The following STAG1 variants were observed in gnomAD, a reference collection of about 807,000 sequenced individuals.
STAG1 encodes cohesin subunit SA-1.
In STAG1, 26 loss-of-function variants were observed where a neutral mutation model predicts 170.9. That is an observed-to-expected ratio of 0.15 (90% confidence interval 0.11 to 0.21). The LOEUF (loss-of-function observed/expected upper bound fraction) is 0.21, where lower values mean the gene tolerates loss of function less well. STAG1 is among the 10% of genes least tolerant of loss of function. The pLI, the probability that STAG1 is intolerant of heterozygous loss-of-function variation, is 1.00. For missense variants in STAG1, 964 were observed against 1,509.5 expected, an observed-to-expected ratio of 0.64 and a Z score of 5.99; for synonymous variants, 514 against 497.7, an observed-to-expected ratio of 1.03 and a Z score of -0.44.
chr3:136,744,146 A>T (rs1016632079), intron 1 of STAG1, among the ~76,000 whole-genome samples: 5 of 152,118 alleles, frequency 3.3e-5, no homozygotes, highest in African/African-American at 1.2e-4. Flanking sequence ...TGACCAACAT[A>T]GAGAAACCCC....
At chr3:136,681,853 T>C (rs905802842) in intron 1 of STAG1, among the ~76,000 whole-genome samples, 2 of 152,076 alleles carry the variant, frequency 1.3e-5, no homozygotes, top group Admixed American at 1.3e-4. Context: ...ATCAGCAAAT[T>C]AGTAATAAAG....
chr3:136,618,065 G>C (rs1242874919), intron 3 of STAG1, among the ~76,000 whole-genome samples: 1 of 152,100 alleles, frequency 6.6e-6, no homozygotes, highest in Non-Finnish European at 1.5e-5. Context: ...TCTTTTCAAA[G>C]AAAAGTATGT....
chr3:136,662,717 T>C (rs531397614), intron 1 of STAG1, among the ~76,000 whole-genome samples: 1 of 152,224 alleles, frequency 6.6e-6, no homozygotes, highest in East Asian at 1.9e-4. Context: ...AGTACTAGGA[T>C]TACAGGCAAA....
intron 5 of STAG1, among the ~76,000 whole-genome samples, chr3:136,556,923 C>T (rs1317763724): frequency 6.6e-6 from 1 of 152,016 alleles, no homozygotes; most frequent in Non-Finnish European, 1.5e-5. Context: ...ATACAAAAGC[C>T]AGTAAGTTTC....
At chr3:136,473,746 T>C (rs2089679195) in intron 10 of STAG1, 109 bp from the exon 11 acceptor site, 1 of 749,492 alleles carries the variant, frequency 1.3e-6, no homozygotes, top group South Asian at 1.5e-5. Context: ...TACTGCATAT[T>C]GTAATTCAAC....
Position 136,338,568 on chromosome 3 carries a change from T to C in STAG1, c.3673-118A>G, listed in dbSNP as rs537926550. 20 of 701,114 alleles carry C rather than the reference T, an allele frequency of 2.9e-5. No homozygotes were observed. In the African/African-American group the frequency reaches 3.1e-4, roughly 11 times the overall value. The allele number at this position is 701,114 out of a possible 1,614,324, so 43.4% of individuals were successfully genotyped here. A position where few individuals can be genotyped will look rare whatever the true frequency, so the allele number is the denominator to read the frequency against. On this transcript the variant is annotated intron_variant, in intron 32 of 33. Transcript: ENST00000383202. ...TATATGGAACTGCTAAGAGTCAATT[T>C]TGAAAGGAAGAAGAGAATCTGGCTT...
chr3:136,428,285 C>T (rs2088192830), intron 16 of STAG1, among the ~76,000 whole-genome samples: 1 of 152,056 alleles, frequency 6.6e-6, no homozygotes, highest in African/African-American at 2.4e-5. Context: ...TCTTTTTTTG[C>T]CAGTAATGTC....
At chr3:136,433,361 T>C (rs1317286168) in intron 16 of STAG1, among the ~76,000 whole-genome samples, 195 bp downstream of exon 16, 2 of 152,066 alleles carry the variant, frequency 1.3e-5, no homozygotes, top group African/African-American at 2.4e-5. Context: ...ACAGGTGCTA[T>C]GGGAGCATGA....
chr3:136,632,736 G>C (rs1317940852), intron 1 of STAG1, among the ~76,000 whole-genome samples: 1 of 152,156 alleles, frequency 6.6e-6, no homozygotes, highest in African/African-American at 2.4e-5. Flanking sequence ...AGCATGGTCA[G>C]AGGAGGCCTG....
chr3:136,728,550 G>T (rs554600398), intron 1 of STAG1, among the ~76,000 whole-genome samples: 2 of 152,280 alleles, frequency 1.3e-5, no homozygotes, highest in African/African-American at 4.8e-5. Context: ...TGGGGCTATT[G>T]TAGGGATTAC....
chr3:136,431,876 G>T (rs556981562), intron 16 of STAG1, among the ~76,000 whole-genome samples: 1 of 152,208 alleles, frequency 6.6e-6, no homozygotes, highest in African/African-American at 2.4e-5. Flanking sequence ...TGACTATGTT[G>T]TGTCTATATG....
chr3:136,666,304 G>A (rs1167054311), intron 1 of STAG1, among the ~76,000 whole-genome samples: 1 of 151,906 alleles, frequency 6.6e-6, no homozygotes, highest in Non-Finnish European at 1.5e-5. Context: ...CTCGATTTTG[G>A]TCTTATAAGA....
intron 2 of STAG1, among the ~76,000 whole-genome samples, chr3:136,627,882 CTA>C (rs1301066501): frequency 6.6e-6 from 1 of 152,182 alleles, no homozygotes; most frequent in African/African-American, 2.4e-5. Context: ...CATCTTTTCC[CTA>C]GATACTGCAA....
chr3:136,564,415 A>C (rs1936974903), intron 5 of STAG1, among the ~76,000 whole-genome samples: 1 of 152,242 alleles, frequency 6.6e-6, no homozygotes, highest in Non-Finnish European at 1.5e-5. Context: ...TTATGATTTT[A>C]AACTTGTGCC....
rs1342088665 is a variant in STAG1, at chr3:136,422,400, T to C, written c.2037+10A>G. ...TATTATTATATGTACACATTAACTT[T>C]AGAACAGACCTCTTGCAATAGGTCT... On this transcript the variant is annotated intron_variant, in intron 19 of 33. Coordinates refer to ENST00000383202, the MANE Select transcript of STAG1 (RefSeq NM_005862.3). 6.2e-7 allele frequency: 1 copy of C among 1,612,678 alleles called. No homozygotes were observed. The highest frequency in any genetic ancestry group is 8.5e-7 in the Non-Finnish European group (1 of 1,178,936).
At chr3:136,751,507 C>G (rs1343609921) in intron 1 of STAG1, among the ~76,000 whole-genome samples, 1 of 152,126 alleles carries the variant, frequency 6.6e-6, no homozygotes, top group African/African-American at 2.4e-5. Flanking sequence ...GTGCTTAGGC[C>G]TGGACACGTT....
At chr3:136,508,857 C>CGT (rs578218669) in intron 7 of STAG1, among the ~76,000 whole-genome samples, 86 of 152,156 alleles carry the variant, frequency 5.7e-4, no homozygotes, top group East Asian at 9.7e-4. Context: ...AACGTGTGTA[C>CGT]GTGTGTGTGT....
rs67810422 is a variant in STAG1 at position 136,633,962 on chromosome 3, TA to T, written c.-83-2982del. Among the ~76,000 whole-genome samples, 83 of 50,348 alleles carry T rather than the reference TA, an allele frequency of 1.6e-3. 1 individual carries two copies. Among genetic ancestry groups the T allele is most frequent in the East Asian group, 4.6e-3 (3 of 648 alleles). 33.0% of individuals were successfully genotyped at this position (50,348 alleles called of 152,430 possible). A position where few individuals can be genotyped will look rare whatever the true frequency, so the allele number is the denominator to read the frequency against. ...AACATGGTGAAACCCTGTCTCTACT[TA>T]AAAAAAAAAAAAAAAAAAAAAAAAA... On this transcript the variant is annotated intron_variant, in intron 1 of 33. Coordinates refer to ENST00000383202, the MANE Select transcript of STAG1 (RefSeq NM_005862.3).
intron 22 of STAG1, among the ~76,000 whole-genome samples, chr3:136,381,137 C>G (rs1481422624): frequency 6.6e-6 from 1 of 150,604 alleles, no homozygotes; most frequent in Non-Finnish European, 1.5e-5. Flanking sequence ...TTGAAGATGT[C>G]TAGTAGGCAG....
Sources: allele counts gnomAD v4.1 joint callset (sites outside exome capture counted in the v4.1 genomes callset), GRCh38; gene constraint gnomAD v4.1.1; transcripts MANE v1.5; gene names NCBI Gene and HGNC (gene_info 2026-07-23, HGNC 2026-07-21).